The following PDE3B variants were observed in gnomAD, a reference collection of about 807,000 sequenced individuals.
PDE3B encodes phosphodiesterase 3B, also known as cGMP-inhibited 3',5'-cyclic phosphodiesterase 3B.
In PDE3B, 66 loss-of-function variants were observed where a neutral mutation model predicts 116.8. That is an observed-to-expected ratio of 0.56 (90% confidence interval 0.46 to 0.69). The LOEUF is 0.69. Ranked by LOEUF, PDE3B falls within the 30% of genes least tolerant of loss-of-function variation. The probability of loss-of-function intolerance (pLI) is 0.00; values close to 1 mark genes in which losing one functional copy is unlikely to be tolerated. For synonymous variants in PDE3B, 595 were observed against 533.6 expected (o/e 1.12, Z -1.59); for missense variants, 1,384 against 1,368.1 (o/e 1.01, Z -0.18).
chr11:14,694,772 G>A (rs1042395141), intron 1 of PDE3B, among the ~76,000 whole-genome samples: 7 of 152,154 alleles, frequency 4.6e-5, no homozygotes, highest in Admixed American at 1.3e-4. Context: ...TGCATTTCTT[G>A]TCTGCTTTTA....
At chr11:14,667,463 A>G (rs1341367136) in intron 1 of PDE3B, among the ~76,000 whole-genome samples, 2 of 151,174 alleles carry the variant, frequency 1.3e-5, no homozygotes, top group East Asian at 2.0e-4. Context: ...TTAAATTAAA[A>G]AAAAGAAAAT....
intron 1 of PDE3B, among the ~76,000 whole-genome samples, chr11:14,667,910 G>T (rs1468624525): frequency 2.0e-5 from 3 of 151,734 alleles, no homozygotes; most frequent in Admixed American, 1.3e-4. Flanking sequence ...ATAATGCCTG[G>T]TAAGAGCTCA....
intron 5 of PDE3B, among the ~76,000 whole-genome samples, chr11:14,808,434 A>C (rs1200393268): frequency 6.6e-6 from 1 of 152,226 alleles, no homozygotes; most frequent in Non-Finnish European, 1.5e-5. Flanking sequence ...AGGAAAACGT[A>C]ACCCATAGAA....
intron 1 of PDE3B, among the ~76,000 whole-genome samples, chr11:14,741,088 G>T (rs1336483260): frequency 6.6e-6 from 1 of 152,080 alleles, no homozygotes; most frequent in Non-Finnish European, 1.5e-5. Flanking sequence ...TTGATTTGGG[G>T]TGGGGAGTTC....
At chr11:14,883,027 T>C in the PDE3B span, among the ~76,000 whole-genome samples, 1 of 151,942 alleles carries the variant, frequency 6.6e-6, no homozygotes, top group Non-Finnish European at 1.5e-5. Flanking sequence ...CTCAATGAAA[T>C]AAAAGAGGAA....
At chr11:14,810,630 G>T (rs1330267293) in intron 5 of PDE3B, among the ~76,000 whole-genome samples, 1 of 148,838 alleles carries the variant, frequency 6.7e-6, no homozygotes, top group Non-Finnish European at 1.5e-5. Context: ...ATAAACATAC[G>T]TGTGCATGTG....
intron 15 of PDE3B, among the ~76,000 whole-genome samples, chr11:14,868,303 G>A (rs551073159): frequency 1.3e-5 from 2 of 152,272 alleles, no homozygotes; most frequent in Admixed American, 1.3e-4. Context: ...GATCCTCATG[G>A]CAAGTCCTCC....
intron 1 of PDE3B, among the ~76,000 whole-genome samples, chr11:14,661,588 C>T (rs964673711): frequency 3.9e-5 from 6 of 152,308 alleles, no homozygotes; most frequent in Admixed American, 1.3e-4. Context: ...CCTGGAAAAT[C>T]GGGTCACTCC....
the PDE3B span, among the ~76,000 whole-genome samples, chr11:14,883,379 G>A: frequency 7.0e-3 from 1,059 of 152,130 alleles, 10 homozygotes; most frequent in African/African-American, 0.024. Flanking sequence ...AAATAATGCC[G>A]CATATCTACA....
chr11:14,661,112 G>T (rs193108771), intron 1 of PDE3B, among the ~76,000 whole-genome samples: 6 of 152,190 alleles, frequency 3.9e-5, no homozygotes, highest in South Asian at 2.1e-4. Context: ...ACAGTGTGAC[G>T]ATTCCTCAGG....
chr11:14,795,145 C>T (rs529113697), intron 4 of PDE3B, among the ~76,000 whole-genome samples: 1 of 152,276 alleles, frequency 6.6e-6, no homozygotes, highest in African/African-American at 2.4e-5. Flanking sequence ...TCTCCTCTCT[C>T]TGGAGGTTGG....
intron 1 of PDE3B, among the ~76,000 whole-genome samples, chr11:14,714,925 A>T (rs1171433695): frequency 6.6e-6 from 1 of 152,146 alleles, no homozygotes; most frequent in Admixed American, 6.5e-5. Flanking sequence ...ATTTTCACTC[A>T]TATTTAAAAT....
At chr11:14,670,976 G>A (rs1384579512) in intron 1 of PDE3B, among the ~76,000 whole-genome samples, 1 of 151,776 alleles carries the variant, frequency 6.6e-6, no homozygotes, top group East Asian at 1.9e-4. Flanking sequence ...TGAGCAGTTG[G>A]TACTACAAGT....
intron 5 of PDE3B, among the ~76,000 whole-genome samples, chr11:14,811,634 G>A (rs1590165325): frequency 6.6e-6 from 1 of 151,890 alleles, no homozygotes; most frequent in Admixed American, 6.6e-5. Flanking sequence ...GCTCTTTTTT[G>A]GTTCCATATG....
At chr11:14,802,916 A>G (rs1858817152) in intron 4 of PDE3B, among the ~76,000 whole-genome samples, 1 of 152,206 alleles carries the variant, frequency 6.6e-6, no homozygotes, top group African/African-American at 2.4e-5. Context: ...CAGCAATTTG[A>G]TTAGTTACAG....
At chr11:14,845,434 C>T (rs1388576770) in intron 12 of PDE3B, among the ~76,000 whole-genome samples, 1 of 152,188 alleles carries the variant, frequency 6.6e-6, no homozygotes, top group African/African-American at 2.4e-5. Context: ...CAGAACGCCT[C>T]TCCTCCTCCA....
At chr11:14,855,312 A>T (rs1847828795) in intron 12 of PDE3B, among the ~76,000 whole-genome samples, 2 of 152,178 alleles carry the variant, frequency 1.3e-5, no homozygotes, top group Non-Finnish European at 2.9e-5. Context: ...CACATAGCAC[A>T]TCATGGAAAA....
At chr11:14,646,229 ATTC>A (rs1853402080) in intron 1 of PDE3B, among the ~76,000 whole-genome samples, 1 of 152,210 alleles carries the variant, frequency 6.6e-6, no homozygotes. Context: ...CATTTGATGC[ATTC>A]TTCTCTCTTC....
At chr11:14,890,539 T>C in the PDE3B span, 1 of 268,670 alleles carries the variant, frequency 3.7e-6, no homozygotes, top group Non-Finnish European at 5.1e-6. Flanking sequence ...GACCAATTCT[T>C]TTTTTTTTTT....
Sources: allele counts gnomAD v4.1 joint callset (sites outside exome capture counted in the v4.1 genomes callset), GRCh38; gene constraint gnomAD v4.1.1; transcripts MANE v1.5; gene names NCBI Gene and HGNC (gene_info 2026-07-23, HGNC 2026-07-21).